Variants in ELF2 observed in about 807,000 individuals in gnomAD.
The protein encoded by ELF2 is E74 like ETS transcription factor 2, also known as ETS-related transcription factor Elf-2.
A neutral mutation model predicts 54.8 loss-of-function variants in ELF2; 11 were observed. The observed-to-expected ratio is 0.20, with a 90% CI of 0.13 to 0.33. The LOEUF is 0.33. Ranked by LOEUF, ELF2 falls within the 10% of genes least tolerant of loss-of-function variation. The probability of loss-of-function intolerance (pLI) is 1.00; values close to 1 mark genes in which losing one functional copy is unlikely to be tolerated. For missense variants in ELF2, 513 were observed against 703.0 expected (o/e 0.73, Z 3.06); for synonymous variants, 203 against 245.1 (o/e 0.83, Z 1.61).
chr4:139,166,596 C>G (rs930770158), intron 1 of ELF2, among the ~76,000 whole-genome samples: 1 of 151,690 alleles, frequency 6.6e-6, no homozygotes, highest in Non-Finnish European at 1.5e-5. Flanking sequence ...AGGCCGGGCA[C>G]GGTGGCTCAC....
chr4:139,173,147 G>A (rs1374678662), intron 1 of ELF2, among the ~76,000 whole-genome samples: 1 of 152,074 alleles, frequency 6.6e-6, no homozygotes, highest in African/African-American at 2.4e-5. Context: ...CTGCAAACAG[G>A]CTGGAGGGAA....
Position 139,151,023 on chromosome 4 carries a change from C to CAAAAA in ELF2, c.-251-11531_-251-11527dup, listed in dbSNP as rs79837347. Among the ~76,000 whole-genome samples the CAAAAA allele has an allele frequency of 5.4e-4, 26 of 48,332 alleles. 1 individual carries two copies. Among genetic ancestry groups the CAAAAA allele is most frequent in the African/African-American group, 2.3e-3 (23 of 9,862 alleles). The allele number at this position is 48,332 out of a possible 152,430, so 31.7% of individuals were successfully genotyped here. ...TAGGTGACGGAACGAGGCTCCATCTCAAAAAAAAAAAAGAAAGAAAGAAAG... is the reference window on the plus strand; with the variant it reads ...TAGGTGACGGAACGAGGCTCCATCTCAAAAAAAAAAAAAAAAAGAAAGAAAGAAAG... On this transcript the variant is annotated intron_variant, in intron 1 of 9. Transcript: ENST00000686138.
At chr4:139,115,484 G>T (rs1310322060) in intron 4 of ELF2, 4 of 787,576 alleles carry the variant, frequency 5.1e-6, no homozygotes, top group Non-Finnish European at 3.1e-6. Flanking sequence ...AGCGGCGGGG[G>T]TGCCCGAGGG....
At chr4:139,101,541 A>ATT (rs1313359469) in intron 4 of ELF2, 1 of 152,188 alleles carries the variant, frequency 6.6e-6, no homozygotes, top group African/African-American at 2.4e-5. Context: ...ATATATGGGG[A>ATT]TTCTTTTTGT....
intron 1 of ELF2, among the ~76,000 whole-genome samples, chr4:139,163,325 T>C (rs1419250220): frequency 1.1e-4 from 16 of 151,842 alleles, no homozygotes. Flanking sequence ...AATTCAGAGG[T>C]TATTTAAGGT....
intron 4 of ELF2, among the ~76,000 whole-genome samples, chr4:139,091,958 TATAC>T (rs1282392387): frequency 6.7e-6 from 1 of 148,844 alleles, no homozygotes; most frequent in Admixed American, 6.7e-5. Flanking sequence ...CACACATATA[TATAC>T]ATATATACAC....
intron 4 of ELF2, among the ~76,000 whole-genome samples, chr4:139,078,091 G>C (rs1278741508): frequency 6.6e-6 from 1 of 152,126 alleles, no homozygotes; most frequent in Non-Finnish European, 1.5e-5. Context: ...ATCAACCGGT[G>C]TTTGTATGGT....
At chr4:139,124,029 C>T (rs540206185) in intron 4 of ELF2, among the ~76,000 whole-genome samples, 2 of 151,972 alleles carry the variant, frequency 1.3e-5, no homozygotes, top group South Asian at 4.1e-4. Context: ...CATATGAAGT[C>T]CTTGGATGCC....
intron 3 of ELF2, among the ~76,000 whole-genome samples, chr4:139,135,290 T>A (rs1333785540): frequency 6.7e-6 from 1 of 149,234 alleles, no homozygotes; most frequent in African/African-American, 2.5e-5. Context: ...TATATATGAA[T>A]GAAACATTCC....
chr4:139,058,611 T>C lies in ELF2; in HGVS notation c.*372A>G, dbSNP rs987566488. 1 of 178,814 alleles carries C rather than the reference T, an allele frequency of 5.6e-6. No individual in the cohort carries two copies. Among genetic ancestry groups the C allele is most frequent in the Non-Finnish European group, 1.2e-5 (1 of 85,330 alleles). The allele number at this position is 178,814 out of a possible 1,614,324, so 11.1% of individuals were successfully genotyped here. On this transcript the variant is annotated 3_prime_UTR_variant, in exon 10 of 10. Transcript: ENST00000686138. ...ATAAAATGCATCAAAAATTGCTATA[T>C]GTAACAATGAGATTACCCATCCCAA...
intron 4 of ELF2, among the ~76,000 whole-genome samples, chr4:139,110,347 T>C (rs1021239832): frequency 6.6e-6 from 1 of 152,154 alleles, no homozygotes; most frequent in African/African-American, 2.4e-5. Flanking sequence ...CAGACATCTG[T>C]AAGGCAGCTA....
intron 4 of ELF2, among the ~76,000 whole-genome samples, chr4:139,102,532 T>A (rs961697645): frequency 6.9e-6 from 1 of 145,460 alleles, no homozygotes; most frequent in African/African-American, 2.6e-5. Context: ...AGAGGGAGAC[T>A]CCGTCTCAAA....
intron 3 of ELF2, among the ~76,000 whole-genome samples, chr4:139,127,574 A>G (rs886490785): frequency 1.3e-5 from 2 of 152,126 alleles, no homozygotes; most frequent in Admixed American, 6.5e-5. Context: ...TAAAGAAATT[A>G]TAATACATAA....
At chr4:139,104,022 T>C (rs1482030704) in intron 4 of ELF2, among the ~76,000 whole-genome samples, 2 of 152,328 alleles carry the variant, frequency 1.3e-5, no homozygotes, top group East Asian at 3.9e-4. Flanking sequence ...GTGTATATAT[T>C]TTGGCATATT....
chr4:139,059,734 T>C, intron 9 of ELF2, 127 bp from the exon 10 acceptor site: 1 of 1,040,598 alleles, frequency 9.6e-7, no homozygotes, highest in Non-Finnish European at 1.4e-6. Flanking sequence ...ACAGAGGTAC[T>C]GGCAATCCCT....
In ELF2 at chr4:139,077,914, C is replaced by G. The variant is rs199921251; in HGVS notation, c.239-4347G>C. ...AACAATGAAGCTAAAAGTAGTCTGA[C>G]AGGTATCATTTTCTAGTTACCACTG... On this transcript the variant is annotated intron_variant, in intron 4 of 9. Coordinates refer to ENST00000686138, the MANE Select transcript of ELF2 (RefSeq NM_001331036.3). Among the ~76,000 whole-genome samples the G allele has an allele frequency of 3.9e-5, 6 of 152,156 alleles. No individual in the cohort carries two copies. The East Asian group carries it at 5.8e-4, about 15-fold the overall frequency.
At chr4:139,168,141 T>G (rs1741910043) in intron 1 of ELF2, among the ~76,000 whole-genome samples, 1 of 152,190 alleles carries the variant, frequency 6.6e-6, no homozygotes, top group Non-Finnish European at 1.5e-5. Context: ...TAAAGAAATG[T>G]CTGTGCTATT....
intron 1 of ELF2, among the ~76,000 whole-genome samples, chr4:139,141,384 C>G (rs1054223729): frequency 6.6e-6 from 1 of 152,130 alleles, no homozygotes; most frequent in African/African-American, 2.4e-5. Flanking sequence ...CCACTTTATA[C>G]GAAGGACTTC....
intron 3 of ELF2, among the ~76,000 whole-genome samples, chr4:139,133,107 C>T (rs1054429620): frequency 6.6e-6 from 1 of 151,732 alleles, no homozygotes; most frequent in African/African-American, 2.4e-5. Context: ...ATTTTTAGTA[C>T]AGACGGGGTT....
Sources: allele counts gnomAD v4.1 joint callset (sites outside exome capture counted in the v4.1 genomes callset), GRCh38; gene constraint gnomAD v4.1.1; transcripts MANE v1.5; gene names NCBI Gene and HGNC (gene_info 2026-07-23, HGNC 2026-07-21).